SCN1A: variants seen among roughly 807,000 people sequenced by gnomAD.
The protein encoded by SCN1A is sodium voltage-gated channel alpha subunit 1.
In SCN1A, 13 loss-of-function variants were observed where a neutral mutation model predicts 193.7. That is an observed-to-expected ratio of 0.07 (90% CI 0.04 to 0.11). The LOEUF (loss-of-function observed/expected upper bound fraction) is 0.11. Ranked by LOEUF, SCN1A falls within the 10% of genes least tolerant of loss-of-function variation. The pLI, the probability that SCN1A is intolerant of heterozygous loss-of-function variation, is 1.00. For synonymous variants in SCN1A, 781 were observed against 843.6 expected (o/e 0.93, Z 1.29); for missense variants, 1,432 against 2,451.1 (o/e 0.58, Z 8.78).
Position 166,039,611 on chromosome 2 carries a change from A to C in SCN1A, c.2416-15T>G. 6.2e-7 allele frequency: 1 copy of C among 1,606,958 alleles called. No homozygotes were observed. The highest frequency in any genetic ancestry group is 1.1e-5 in the South Asian group (1 of 90,888). Reference sequence around the variant, plus strand: ...CCAGTGAAAACCTAAGATCAAAACAAAATTAATCTAATTCCACCAGATAAT... The same window carrying C: ...CCAGTGAAAACCTAAGATCAAAACACAATTAATCTAATTCCACCAGATAAT... On this transcript the variant is annotated splice_polypyrimidine_tract_variant and intron_variant, in intron 16 of 28. Coordinates refer to ENST00000674923, the MANE Select transcript of SCN1A (RefSeq NM_001165963.4).
intron 2 of SCN1A, chr2:166,081,673 ACT>A (rs1221354394): frequency 6.6e-5 from 10 of 151,860 alleles, no homozygotes; most frequent in Admixed American, 2.0e-4. Flanking sequence ...AAATACCATA[ACT>A]AAGGTAATGT....
intron 19 of SCN1A, among the ~76,000 whole-genome samples, chr2:166,026,818 G>T (rs1447735164): frequency 1.3e-5 from 2 of 151,006 alleles, no homozygotes; most frequent in Non-Finnish European, 3.0e-5. Context: ...CAAGTAGCTG[G>T]GACTACAGGT....
chr2:166,050,637 A>ATATATG (rs1553548987), intron 9 of SCN1A, among the ~76,000 whole-genome samples: 7 of 77,216 alleles, frequency 9.1e-5, no homozygotes, highest in African/African-American at 3.5e-4. Context: ...ATATATATAT[A>ATATATG]TGTGTGTATA....
chr2:166,089,558 T>C (rs1686539648), intron 2 of SCN1A, among the ~76,000 whole-genome samples: 1 of 150,640 alleles, frequency 6.6e-6, no homozygotes, highest in South Asian at 2.1e-4. Flanking sequence ...GTAAGAGTTC[T>C]TTTTTTGGTT....
In SCN1A at chr2:165,992,384, A is replaced by T; in HGVS notation, c.4891T>A (p.Ser1631Thr). ...CGGATCACTCGGAACAGGGTAGGGGACACGAAATACTTTTCTATCAGCTCG... is the reference window on the plus strand; with the variant it reads ...CGGATCACTCGGAACAGGGTAGGGGTCACGAAATACTTTTCTATCAGCTCG... Reference protein sequence around the residue: ...LAELIEKYFVSPTLFRVIRLA... With the variant: ...LAELIEKYFVTPTLFRVIRLA... The change falls in exon 29 of 29, where the codon TCC becomes ACC. Residue 1631 changes from serine to threonine, a missense_variant. Transcript: ENST00000674923. The surrounding 1 kb of genome is among the most constrained non-coding windows in gnomAD (Gnocchi z 6.5). The T allele has an allele frequency of 6.2e-7, 1 of 1,613,646 alleles. No individual in the cohort carries two copies. Among genetic ancestry groups the T allele is most frequent in the Non-Finnish European group, 8.5e-7 (1 of 1,179,750 alleles).
In SCN1A at chr2:166,024,064, C is replaced by T. The variant is rs577409383; in HGVS notation, c.3430-8337G>A. 6.4e-4 allele frequency among the ~76,000 whole-genome samples: 97 copies of T among 152,104 alleles called. 1 individual carries two copies. In the South Asian group the frequency reaches 8.3e-3, roughly 13 times the overall value. On this transcript the variant is annotated intron_variant, in intron 19 of 28. Coordinates refer to ENST00000674923, the MANE Select transcript of SCN1A (RefSeq NM_001165963.4). ...AGTGCTGGGATTACAGTGTGAGACACCGCGCCTGGCCAAAAATTTTTTTAA... is the reference window on the plus strand; with the variant it reads ...AGTGCTGGGATTACAGTGTGAGACATCGCGCCTGGCCAAAAATTTTTTTAA...
chr2:166,031,062 T>C (rs1432537956), intron 19 of SCN1A, among the ~76,000 whole-genome samples: 1 of 152,086 alleles, frequency 6.6e-6, no homozygotes, highest in Non-Finnish European at 1.5e-5. Flanking sequence ...TCTGAGGTTT[T>C]AAAAAACAAT....
chr2:165,992,552 A>G lies in SCN1A; in HGVS notation c.4853-130T>C, dbSNP rs1422784779. ...GTTATATTAAATATGACAACTATAT[A>G]TAATATATATATAATTGTACATAAT... On this transcript the variant is annotated intron_variant, in intron 28 of 28. Transcript: ENST00000674923. The surrounding 1 kb of genome is among the most constrained non-coding windows in gnomAD (Gnocchi z 6.5). 3.3e-6 allele frequency: 2 copies of G among 611,212 alleles called. No individual in the cohort carries two copies. Among genetic ancestry groups the G allele is most frequent in the African/African-American group, 3.7e-5 (2 of 53,338 alleles). The allele number at this position is 611,212 out of a possible 1,614,324, so 37.9% of individuals were successfully genotyped here.
chr2:166,053,387 A>G (rs1218765853), intron 7 of SCN1A, among the ~76,000 whole-genome samples: 1 of 152,042 alleles, frequency 6.6e-6, no homozygotes, highest in Non-Finnish European at 1.5e-5. Flanking sequence ...AAAAGAAAGT[A>G]AATCTTGGCT....
intron 4 of SCN1A, among the ~76,000 whole-genome samples, chr2:166,059,912 G>GT (rs1683110325): frequency 6.6e-6 from 1 of 151,942 alleles, no homozygotes; most frequent in South Asian, 2.1e-4. Context: ...TCTGGTATGG[G>GT]TAGAAGTGTC....
rs773560347 is a variant in SCN1A at position 165,992,179 on chromosome 2, A to G, written c.5096T>C (p.Val1699Ala). The change falls in exon 29 of 29, where the codon GTT becomes GCT. Residue 1699 changes from valine to alanine, a missense_variant. By Grantham distance (64) the Val-to-Ala change is moderately conservative. Around this residue, in one of 18 missense-constraint regions of SCN1A, gnomAD observed 85 missense variants for 213.2 expected, o/e 0.40. Coordinates refer to ENST00000674923, the MANE Select transcript of SCN1A (RefSeq NM_001165963.4). The surrounding 1 kb of genome is among the most constrained non-coding windows in gnomAD (Gnocchi z 6.5). ...MSNFAYVKRE[V>A]GIDDMFNFET... Reference sequence around the variant, plus strand: ...AAAGTTGAACATGTCATCGATCCCAACTTCCCTCTTAACATAGGCAAAGTT... The same window carrying G: ...AAAGTTGAACATGTCATCGATCCCAGCTTCCCTCTTAACATAGGCAAAGTT... 3.1e-6 allele frequency: 5 copies of G among 1,613,848 alleles called. No homozygotes were observed. Among genetic ancestry groups the G allele is most frequent in the Admixed American group, 1.7e-5 (1 of 59,974 alleles).
intron 11 of SCN1A, 76 bp downstream of exon 11, chr2:166,047,551 G>GT: frequency 1.3e-6 from 2 of 1,512,054 alleles, no homozygotes. Context: ...ATTATCATCC[G>GT]GTTTTAATTT....
At chr2:166,109,339 G>A (rs2106187176) in intron 2 of SCN1A, among the ~76,000 whole-genome samples, 1 of 152,226 alleles carries the variant, frequency 6.6e-6, no homozygotes, top group East Asian at 1.9e-4. Context: ...GTAATTTGAA[G>A]CTTAAACATA....
intron 8 of SCN1A, among the ~76,000 whole-genome samples, chr2:166,052,300 CAT>C (rs1217773739): frequency 1.3e-5 from 2 of 151,938 alleles, no homozygotes. Context: ...AAACTTGTCT[CAT>C]ATTTTCATTA....
intron 2 of SCN1A, among the ~76,000 whole-genome samples, chr2:166,082,602 G>A (rs750485303): frequency 6.6e-6 from 1 of 151,938 alleles, no homozygotes; most frequent in Non-Finnish European, 1.5e-5. Context: ...TTCAAGTTTA[G>A]AATCATATGA....
chr2:166,076,157 G>C (rs898737829), intron 3 of SCN1A, among the ~76,000 whole-genome samples: 1 of 151,788 alleles, frequency 6.6e-6, no homozygotes, highest in African/African-American at 2.4e-5. Context: ...AAATTGTTAG[G>C]TGATTATCTA....
At chr2:166,120,804 CG>C (rs1164979780) in intron 2 of SCN1A, among the ~76,000 whole-genome samples, 1 of 151,080 alleles carries the variant, frequency 6.6e-6, no homozygotes, top group Non-Finnish European at 1.5e-5. Flanking sequence ...TTAGTAGAGA[CG>C]GGGTTTCACC....
chr2:166,112,544 C>T (rs1463424174), intron 2 of SCN1A, among the ~76,000 whole-genome samples: 2 of 152,078 alleles, frequency 1.3e-5, no homozygotes, highest in African/African-American at 2.4e-5. Flanking sequence ...TGTAATATCT[C>T]TGAGGTGTGC....
intron 1 of SCN1A, among the ~76,000 whole-genome samples, chr2:166,133,060 A>T (rs981588000): frequency 7.9e-5 from 12 of 152,206 alleles, no homozygotes; most frequent in African/African-American, 2.9e-4. Context: ...AAAAATCCTT[A>T]GAGAGAGAAT....
Sources: allele counts gnomAD v4.1 joint callset (sites outside exome capture counted in the v4.1 genomes callset), GRCh38; gene constraint gnomAD v4.1.1; regional missense constraint gnomAD v4.1.1; non-coding constraint Gnocchi (gnomAD v3.1); transcripts MANE v1.5; gene names NCBI Gene and HGNC (gene_info 2026-07-23, HGNC 2026-07-21).